DERA: variants seen among roughly 807,000 people sequenced by gnomAD.
DERA encodes 2-deoxy-D-ribose 5-phosphate aldolase.
Under a neutral mutation model 41.1 loss-of-function variants are expected in DERA, and 15 were observed. That is an observed-to-expected ratio of 0.37 (90% CI 0.24 to 0.56). The LOEUF (loss-of-function observed/expected upper bound fraction) is 0.56, where lower values mean the gene tolerates loss of function less well. Ranked by LOEUF, DERA falls within the 20% of genes least tolerant of loss-of-function variation. DERA has a pLI of 0.81. For missense variants in DERA, 396 were observed against 403.4 expected (o/e 0.98, Z 0.16); for synonymous variants, 139 against 137.4 (o/e 1.01, Z -0.08).
rs548996676 is a variant in DERA at position 16,001,486 on chromosome 12, C to T, written c.637+19050C>T. ...CTCACACAGAGACCAGAAAGAGATT[C>T]GTGCTCAGTAACAAAGAGAGAGTAA... is the stretch of plus-strand genomic sequence containing the variant. On this transcript the variant is annotated intron_variant, in intron 6 of 8. Transcript: ENST00000428559. The surrounding 1 kb of genome is among the most constrained non-coding windows in gnomAD (Gnocchi z 4.1). Among the ~76,000 whole-genome samples the T allele has an allele frequency of 3.3e-5, 5 of 152,248 alleles. No individual in the cohort carries two copies. The highest frequency in any genetic ancestry group is 4.1e-4 in the South Asian group (2 of 4,822).
Position 15,984,870 on chromosome 12 carries a change from G to A in DERA, c.637+2434G>A, listed in dbSNP as rs1213809624. ...ATTTTGAAATATTTTTTATATTCTT[G>A]TCCCAATTTTATATGTAACTTGCAC... On this transcript the variant is annotated intron_variant, in intron 6 of 8. Coordinates refer to ENST00000428559, the MANE Select transcript of DERA (RefSeq NM_015954.4). The surrounding 1 kb of genome is among the most constrained non-coding windows in gnomAD (Gnocchi z 4.5). Among the ~76,000 whole-genome samples, 2 of 151,988 alleles carry A rather than the reference G, an allele frequency of 1.3e-5. No homozygotes were observed. Among genetic ancestry groups the A allele is most frequent in the Admixed American group, 1.3e-4 (2 of 15,246 alleles).
rs922114598 is a variant in DERA at position 16,008,052 on chromosome 12, C to T, written c.638-24490C>T. On this transcript the variant is annotated intron_variant, in intron 6 of 8. Coordinates refer to ENST00000428559, the MANE Select transcript of DERA (RefSeq NM_015954.4). This position sits in a 1 kb window ranked among gnomAD's most constrained non-coding sequence, Gnocchi z 4.8. ...ATTTTTAGTAGAGACAGAGTTTTGC[C>T]CTGTTGGCCTGGCTGGTCTTGAACT... is the stretch of plus-strand genomic sequence containing the variant. Among the ~76,000 whole-genome samples, 7 of 152,102 alleles carry T rather than the reference C, an allele frequency of 4.6e-5. No homozygotes were observed. Among genetic ancestry groups the T allele is most frequent in the Non-Finnish European group, 7.3e-5 (5 of 68,032 alleles).
Position 15,952,353 on chromosome 12 carries a change from G to A in DERA, c.32-4583G>A, listed in dbSNP as rs148715515. On this transcript the variant is annotated intron_variant, in intron 1 of 8. Transcript: ENST00000428559. ...TGCAAACTTATGTACGTATTTCCAT[G>A]GGACATATTCTGTGTACTGATTACT... Among the ~76,000 whole-genome samples, 1,006 of 152,256 alleles carry A rather than the reference G, an allele frequency of 6.6e-3. 3 individuals carry two copies. Among genetic ancestry groups the A allele is most frequent in the Middle Eastern group, 0.017 (5 of 294 alleles).
At chr12:15,934,455 G>A (rs1948351216) in intron 1 of DERA, among the ~76,000 whole-genome samples, 1 of 152,006 alleles carries the variant, frequency 6.6e-6, no homozygotes. Context: ...GCGTGGTGGT[G>A]GGCACCTGTA....
rs1014767402 is a variant in DERA at position 15,943,238 on chromosome 12, A to G, written c.32-13698A>G. On this transcript the variant is annotated intron_variant, in intron 1 of 8. Transcript: ENST00000428559. This position sits in a 1 kb window ranked among gnomAD's most constrained non-coding sequence, Gnocchi z 4.5. ...CCAGGTGAGAATAACAGCACCAGAG[A>G]TTGAGTAGCTCTTATTTGTTTGAAG... Among the ~76,000 whole-genome samples, 22 of 152,176 alleles carry G rather than the reference A, an allele frequency of 1.4e-4. No individual in the cohort carries two copies. The highest frequency in any genetic ancestry group is 3.2e-4 in the Non-Finnish European group (22 of 68,030).
rs1455010816 is a variant in DERA at position 16,013,569 on chromosome 12, C to T, written c.638-18973C>T. Among the ~76,000 whole-genome samples, 3 of 152,214 alleles carry T rather than the reference C, an allele frequency of 2.0e-5. No homozygotes were observed. Among genetic ancestry groups the T allele is most frequent in the Admixed American group, 2.0e-4 (3 of 15,276 alleles). On this transcript the variant is annotated intron_variant, in intron 6 of 8. Transcript: ENST00000428559. This position sits in a 1 kb window ranked among gnomAD's most constrained non-coding sequence, Gnocchi z 5.8. ...CATGCTGAACTGTGAGTCAGTTAAA[C>T]TTCTTTCCTTTATAAATTACCTAGT... is the stretch of plus-strand genomic sequence containing the variant.
rs550692324 is a variant in DERA at position 15,936,927 on chromosome 12, T to C, written c.32-20009T>C. 0.23 allele frequency among the ~76,000 whole-genome samples: 31,776 copies of C among 139,562 alleles called. 3,939 individuals are homozygous for C. The highest frequency in any genetic ancestry group is 0.33 in the Admixed American group (4,757 of 14,442). The allele number at this position is 139,562 out of a possible 152,430, so 91.6% of individuals were successfully genotyped here. ...TGTCCTGTCCTGTCCTGTCCTGTCCTGTCCTGTCTTGTCCTGTCCCGTCCT... is the reference window on the plus strand; with the variant it reads ...TGTCCTGTCCTGTCCTGTCCTGTCCCGTCCTGTCTTGTCCTGTCCCGTCCT... On this transcript the variant is annotated intron_variant, in intron 1 of 8. Transcript: ENST00000428559. The surrounding 1 kb of genome is among the most constrained non-coding windows in gnomAD (Gnocchi z 4.6).
At chr12:16,023,473 CTTT>C (rs58250786) in intron 6 of DERA, among the ~76,000 whole-genome samples, 27 of 111,870 alleles carry the variant, frequency 2.4e-4, no homozygotes, top group African/African-American at 9.5e-4. Context: ...AACTCAAAGT[CTTT>C]TTTTTTTTTT....
rs1949117528 is a variant in DERA at position 16,034,964 on chromosome 12, C to CGT, written c.751-1268_751-1267insGT. On this transcript the variant is annotated intron_variant, in intron 7 of 8. Coordinates refer to ENST00000428559, the MANE Select transcript of DERA (RefSeq NM_015954.4). ...TCCTACTTAACCCCCTACTACCTTA[C>CGT]AGCTTGGGCTCCAGAGTAATAGCAG... is the stretch of plus-strand genomic sequence containing the variant. 2.0e-5 allele frequency among the ~76,000 whole-genome samples: 3 copies of CGT among 152,172 alleles called. No individual in the cohort carries two copies. In the South Asian group the frequency reaches 6.2e-4, roughly 32 times the overall value.
At chr12:16,015,319 G>A (rs558411529) in intron 6 of DERA, among the ~76,000 whole-genome samples, 4 of 152,170 alleles carry the variant, frequency 2.6e-5, no homozygotes, top group African/African-American at 9.7e-5. Context: ...TGTCAAGGAA[G>A]AGACCAGGTG....
In DERA at chr12:15,943,085, T is replaced by C. The variant is rs1417628872; in HGVS notation, c.32-13851T>C. Among the ~76,000 whole-genome samples, 1 of 152,160 alleles carries C rather than the reference T, an allele frequency of 6.6e-6. No homozygotes were observed. Among genetic ancestry groups the C allele is most frequent in the African/African-American group, 2.4e-5 (1 of 41,436 alleles). ...AGCGATGTCACCCCTGACAGTGTGT[T>C]CTAATCTGTAAACTCTTCCACACAC... is the stretch of plus-strand genomic sequence containing the variant. On this transcript the variant is annotated intron_variant, in intron 1 of 8. Transcript: ENST00000428559. This position sits in a 1 kb window ranked among gnomAD's most constrained non-coding sequence, Gnocchi z 4.5.
In DERA at chr12:15,940,104, A is replaced by C. The variant is rs946459044; in HGVS notation, c.32-16832A>C. On this transcript the variant is annotated intron_variant, in intron 1 of 8. Coordinates refer to ENST00000428559, the MANE Select transcript of DERA (RefSeq NM_015954.4). The surrounding 1 kb of genome is among the most constrained non-coding windows in gnomAD (Gnocchi z 5.1). ...GTTGTCACTGCAAAATCACATAATT[A>C]TGTGTTTATCCTAACCTCTTTAACT... Among the ~76,000 whole-genome samples, 5 of 152,214 alleles carry C rather than the reference A, an allele frequency of 3.3e-5. No individual in the cohort carries two copies. Among genetic ancestry groups the C allele is most frequent in the Non-Finnish European group, 7.3e-5 (5 of 68,030 alleles).
chr12:16,009,247 A>G lies in DERA; in HGVS notation c.638-23295A>G, dbSNP rs1359262555. Among the ~76,000 whole-genome samples the G allele has an allele frequency of 6.6e-6, 1 of 152,230 alleles. No individual in the cohort carries two copies. Among genetic ancestry groups the G allele is most frequent in the Non-Finnish European group, 1.5e-5 (1 of 68,028 alleles). ...AAGATGCTTTTGGGTGAGTAGCAGAAGAGAACAATGGAATATTGGATTAAA... is the reference window on the plus strand; with the variant it reads ...AAGATGCTTTTGGGTGAGTAGCAGAGGAGAACAATGGAATATTGGATTAAA... On this transcript the variant is annotated intron_variant, in intron 6 of 8. Transcript: ENST00000428559. The surrounding 1 kb of genome is among the most constrained non-coding windows in gnomAD (Gnocchi z 5.3).
Position 15,920,051 on chromosome 12 carries a change from G to A in DERA, c.31+8637G>A, listed in dbSNP as rs1306331445. Among the ~76,000 whole-genome samples, 3 of 151,924 alleles carry A rather than the reference G, an allele frequency of 2.0e-5. No individual in the cohort carries two copies. In the East Asian group the frequency reaches 5.8e-4, roughly 29 times the overall value. On this transcript the variant is annotated intron_variant, in intron 1 of 8. Coordinates refer to ENST00000428559, the MANE Select transcript of DERA (RefSeq NM_015954.4). ...GGGAGGGAGGGAGAGAGACAGAAAA[G>A]GGATTTCATTCAAATGTCTAAAATT...
chr12:15,953,409 T>A (rs1030893363), intron 1 of DERA, among the ~76,000 whole-genome samples: 2 of 152,060 alleles, frequency 1.3e-5, no homozygotes, highest in African/African-American at 4.8e-5. Context: ...GAAAGTAAAG[T>A]TGCAGGGAAA....
At chr12:15,934,815 A>G (rs932802910) in intron 1 of DERA, among the ~76,000 whole-genome samples, 3 of 152,332 alleles carry the variant, frequency 2.0e-5, no homozygotes, top group African/African-American at 7.2e-5. Context: ...TTAATGAAAT[A>G]CTTCATGCTG....
At chr12:15,926,122 C>T (rs531408959) in intron 1 of DERA, among the ~76,000 whole-genome samples, 1 of 152,140 alleles carries the variant, frequency 6.6e-6, no homozygotes, top group East Asian at 1.9e-4. Context: ...TGTACCTGGT[C>T]AACTCCTGAG....
chr12:15,979,457 G>A lies in DERA; in HGVS notation c.509-2851G>A, dbSNP rs79021797. On this transcript the variant is annotated intron_variant, in intron 5 of 8. Transcript: ENST00000428559. ...TTGCCTCACTCTTTAAGATTCAAAG[G>A]CCTGAGTAGAAGCAATCACTTGATA... is the stretch of plus-strand genomic sequence containing the variant. Among the ~76,000 whole-genome samples, 15 of 152,306 alleles carry A rather than the reference G, an allele frequency of 9.8e-5. No homozygotes were observed. In the East Asian group the frequency reaches 2.9e-3, roughly 29 times the overall value.
intron 1 of DERA, among the ~76,000 whole-genome samples, chr12:15,923,468 C>T (rs2136126054): frequency 6.6e-6 from 1 of 152,284 alleles, no homozygotes; most frequent in East Asian, 1.9e-4. Flanking sequence ...CAGACCTTTT[C>T]CTTCCTTCTC....
Sources: gnomAD v4.1 joint callset for allele counts (sites outside exome capture counted in the v4.1 genomes callset) on GRCh38, gnomAD v4.1.1 for gene constraint, Gnocchi (gnomAD v3.1) non-coding constraint, MANE v1.5 for transcripts, NCBI Gene and HGNC (gene_info 2026-07-23, HGNC 2026-07-21) for gene names.